DMD: variants seen among roughly 807,000 people sequenced by gnomAD.
DMD encodes the protein mutant dystrophin.
A neutral mutation model predicts 330.1 loss-of-function variants in DMD; 63 were observed. That is an observed-to-expected ratio of 0.19 (90% CI 0.16 to 0.24). The LOEUF is 0.24. DMD is among the 10% of genes least tolerant of loss of function. DMD has a pLI of 1.00. For synonymous variants in DMD, 1,223 were observed against 959.8 expected (o/e 1.27, Z -5.07); for missense variants, 3,344 against 2,684.1 (o/e 1.25, Z -5.43).
intron 7 of DMD, among the ~76,000 whole-genome samples, chrX:32,773,965 C>A (rs2073897502): frequency 9.0e-6 from 1 of 111,098 alleles, no homozygotes; most frequent in African/African-American, 3.3e-5. Flanking sequence ...CTGGCCCATC[C>A]TGGAACAGAA....
At chrX:31,208,795 C>T (rs1387830832) in intron 65 of DMD, among the ~76,000 whole-genome samples, 2 of 108,318 alleles carry the variant, frequency 1.8e-5, no homozygotes, top group Non-Finnish European at 1.9e-5. Context: ...AGAATTTAGG[C>T]AAAATTAAGA....
At chrX:32,179,060 A>G (rs1000802181) in intron 44 of DMD, among the ~76,000 whole-genome samples, 31 of 108,262 alleles carry the variant, frequency 2.9e-4, no homozygotes, top group Non-Finnish European at 4.4e-4. Flanking sequence ...ATATAATTTT[A>G]AATATTCTTA....
intron 2 of DMD, among the ~76,000 whole-genome samples, chrX:32,903,899 G>A (rs1409832347): frequency 1.8e-5 from 2 of 111,289 alleles, no homozygotes; most frequent in African/African-American, 6.5e-5. Flanking sequence ...ATATTGACTC[G>A]AATTCAAACT....
chrX:32,523,551 G>A (rs1169181386), intron 17 of DMD, among the ~76,000 whole-genome samples: 1 of 112,047 alleles, frequency 8.9e-6, no homozygotes, highest in Non-Finnish European at 1.9e-5. Flanking sequence ...GGCCTGGCTG[G>A]TTGTCCCTAG....
rs1234449679 is a variant in DMD, at chrX:32,389,606, T to C, written c.4413A>G (p.Leu1471=). 8.3e-7 allele frequency: 1 copy of C among 1,210,882 alleles called. No homozygotes were observed. The change falls in exon 32 of 79, where the codon CTA becomes CTG. Residue 1471 remains leucine, a synonymous_variant. Coordinates refer to ENST00000357033, the MANE Select transcript of DMD (RefSeq NM_004006.3). ...CATCTAAAATCATCTTACTTTCTTG[T>C]AGACGCTGCTCAAAATTGGCTGGTT... ...FQKPANFEQR[L]QESKMILDEV...
chrX:31,331,663 T>A (rs2057131616), intron 61 of DMD, among the ~76,000 whole-genome samples: 1 of 111,926 alleles, frequency 8.9e-6, no homozygotes, highest in Non-Finnish European at 1.9e-5. Flanking sequence ...CTCCAGGTAA[T>A]GGTGGTTACA....
intron 11 of DMD, among the ~76,000 whole-genome samples, chrX:32,626,921 CAGAT>C (rs1380588438): frequency 2.8e-5 from 3 of 105,276 alleles, no homozygotes; most frequent in Non-Finnish European, 5.7e-5. Context: ...CAAACTATCA[CAGAT>C]AGGTGAATTA....
rs199759923 is a variant in DMD at position 31,350,659 on chromosome X, GA to G, written c.9085-2026del. On this transcript the variant is annotated intron_variant, in intron 60 of 78. Transcript: ENST00000357033. ...AGAGAGAGAGAGAGAGAGAGAGAGA[GA>G]AGAGAAGAGAAGCGATGCGGAACAA... Among the ~76,000 whole-genome samples the G allele has an allele frequency of 1.2e-3, 123 of 99,928 alleles. No individual in the cohort carries two copies. The East Asian group carries it at 0.029, about 23-fold the overall frequency. The allele number at this position is 99,928 out of a possible 115,157, so 86.8% of individuals were successfully genotyped here.
chrX:33,014,551 T>C (rs1447051209), intron 2 of DMD, among the ~76,000 whole-genome samples: 3 of 111,457 alleles, frequency 2.7e-5, no homozygotes, highest in South Asian at 3.8e-4. Context: ...ATTCAACCAA[T>C]GTAGAGAAAC....
intron 52 of DMD, among the ~76,000 whole-genome samples, chrX:31,728,948 G>A (rs746747067): frequency 9.0e-6 from 1 of 110,989 alleles, no homozygotes; most frequent in East Asian, 2.8e-4. Flanking sequence ...GAGGGAAACC[G>A]GGTGGCGAGT....
At chrX:31,882,843 G>A (rs1300109961) in intron 47 of DMD, among the ~76,000 whole-genome samples, 2 of 111,966 alleles carry the variant, frequency 1.8e-5, no homozygotes, top group Non-Finnish European at 3.8e-5. Context: ...TACTCTTGAT[G>A]AATATGTGGA....
chrX:32,658,817 T>G (rs1464825491), intron 9 of DMD, among the ~76,000 whole-genome samples: 1 of 111,764 alleles, frequency 8.9e-6, no homozygotes, highest in African/African-American at 3.3e-5. Context: ...TCGGGAAACT[T>G]TAAGTCGGCC....
At chrX:31,504,601 T>C (rs1451087311) in intron 56 of DMD, among the ~76,000 whole-genome samples, 1 of 111,598 alleles carries the variant, frequency 9.0e-6, no homozygotes, top group Non-Finnish European at 1.9e-5. Context: ...ATAATGCAGG[T>C]TTATCAGTGC....
chrX:32,309,499 G>A (rs1192061884), intron 42 of DMD, among the ~76,000 whole-genome samples: 1 of 110,757 alleles, frequency 9.0e-6, no homozygotes, highest in Non-Finnish European at 1.9e-5. Context: ...ATCATTATTT[G>A]CCTTACTTGA....
chrX:32,137,863 C>T (rs2096734376), intron 44 of DMD, among the ~76,000 whole-genome samples: 1 of 109,316 alleles, frequency 9.1e-6, no homozygotes, highest in African/African-American at 3.3e-5. Flanking sequence ...CCTGCTATGT[C>T]CCCTATAAGT....
chrX:32,387,089 G>A (rs1426186103), intron 32 of DMD, among the ~76,000 whole-genome samples: 11 of 110,937 alleles, frequency 9.9e-5, no homozygotes, highest in African/African-American at 2.9e-4. Context: ...TCTTAAAAGT[G>A]CTGATGAAAA....
In DMD at chrX:31,973,201, G is replaced by C. The variant is rs550385530; in HGVS notation, c.6439-4687C>G. ...TTGGTGGAAGGTCTGATAACCTTGT[G>C]GGAGCACCTGAGGATAGTCAGAACA... is the stretch of plus-strand genomic sequence containing the variant. On this transcript the variant is annotated intron_variant, in intron 44 of 78. Transcript: ENST00000357033. 7.5e-4 allele frequency among the ~76,000 whole-genome samples: 82 copies of C among 109,855 alleles called. 1 individual carries two copies. The highest frequency in any genetic ancestry group is 2.6e-3 in the African/African-American group (80 of 30,249).
At chrX:33,030,266 T>A (rs753696798) in intron 1 of DMD, among the ~76,000 whole-genome samples, 2 of 111,884 alleles carry the variant, frequency 1.8e-5, no homozygotes, top group South Asian at 7.5e-4. Context: ...GTGGCAGCCA[T>A]GTTAATAATT....
chrX:32,757,316 C>T (rs2071626186), intron 7 of DMD, among the ~76,000 whole-genome samples: 3 of 111,684 alleles, frequency 2.7e-5, no homozygotes, highest in Non-Finnish European at 1.9e-5. Context: ...CCATTCTTAA[C>T]AAGTTATATG....
Sources: allele counts gnomAD v4.1 joint callset (sites outside exome capture counted in the v4.1 genomes callset), GRCh38; gene constraint gnomAD v4.1.1; transcripts MANE v1.5; gene names NCBI Gene and HGNC (gene_info 2026-07-23, HGNC 2026-07-21).